The following NBEA variants were observed in gnomAD, a reference collection of about 807,000 sequenced individuals.
NBEA encodes the protein neurobeachin.
In NBEA, 44 loss-of-function variants were observed where a neutral mutation model predicts 343.4. The ratio of observed to expected loss-of-function variants is 0.13; its 90% CI spans 0.10 to 0.16. NBEA has a LOEUF of 0.16. Ranked by LOEUF, NBEA falls within the 10% of genes least tolerant of loss-of-function variation. The pLI is 1.00. For missense variants in NBEA, 2,555 were observed against 3,631.3 expected, an observed-to-expected ratio of 0.70 and a Z score of 7.62; for synonymous variants, 1,175 against 1,238.7, an observed-to-expected ratio of 0.95 and a Z score of 1.08.
chr13:35,422,152 T>TGTA (rs1480419366), intron 38 of NBEA, among the ~76,000 whole-genome samples: 10 of 151,590 alleles, frequency 6.6e-5, no homozygotes, highest in African/African-American at 2.4e-4. Flanking sequence ...TTTTTTTAAT[T>TGTA]TTATTATTAT....
At chr13:35,093,748 A>G (rs911130679) in intron 10 of NBEA, among the ~76,000 whole-genome samples, 1 of 152,014 alleles carries the variant, frequency 6.6e-6, no homozygotes, top group Admixed American at 6.6e-5. Context: ...CATATTTACT[A>G]TAGTGGTGGC....
chr13:35,428,273 C>T (rs1211698754), intron 38 of NBEA, among the ~76,000 whole-genome samples: 2 of 152,104 alleles, frequency 1.3e-5, no homozygotes, highest in Non-Finnish European at 2.9e-5. Context: ...GCCATCTTGG[C>T]TCCTCCCCCA....
In NBEA at chr13:34,942,848, C is replaced by G; in HGVS notation, c.28C>G (p.Pro10Ala). The change falls in exon 1 of 59, where the codon CCG becomes GCG. Residue 10 changes from proline (P) to alanine (A), a missense_variant. This residue lies in a region of NBEA where 122 missense variants were observed against 91.0 expected (regional missense o/e 1.34). Coordinates refer to ENST00000379939, the MANE Select transcript of NBEA (RefSeq NM_001385012.1). MASEKPGPGPGLEPQPVGLI... is the reference protein window; with the variant it reads MASEKPGPGAGLEPQPVGLI... ...GGCTAGCGAGAAGCCGGGCCCGGGC[C>G]CGGGGCTCGAGCCTCAGCCCGTGGG... The G allele has an allele frequency of 7.3e-7, 1 of 1,370,094 alleles. No individual in the cohort carries two copies. Among genetic ancestry groups the G allele is most frequent in the Middle Eastern group, 2.7e-4 (1 of 3,712 alleles). The allele number at this position is 1,370,094 out of a possible 1,614,324, so 84.9% of individuals were successfully genotyped here. A position where few individuals can be genotyped will look rare whatever the true frequency, so the allele number is the denominator to read the frequency against.
chr13:35,387,079 T>C (rs1391558966), intron 38 of NBEA, among the ~76,000 whole-genome samples: 5 of 152,168 alleles, frequency 3.3e-5, no homozygotes, highest in Admixed American at 6.5e-5. Flanking sequence ...CTCTATCTTA[T>C]AGAAAGTAGT....
intron 11 of NBEA, among the ~76,000 whole-genome samples, chr13:35,102,901 G>A (rs1025927243): frequency 2.0e-5 from 3 of 151,652 alleles, no homozygotes; most frequent in African/African-American, 7.3e-5. Context: ...AAAAGTGCCA[G>A]TACAGTGTTG....
chr13:35,377,847 G>A (rs928964736), intron 38 of NBEA, among the ~76,000 whole-genome samples: 1 of 152,038 alleles, frequency 6.6e-6, no homozygotes, highest in African/African-American at 2.4e-5. Flanking sequence ...AAAACAAATA[G>A]ACCATAAACA....
At chr13:35,598,859 T>A (rs1393973161) in intron 47 of NBEA, among the ~76,000 whole-genome samples, 1 of 152,218 alleles carries the variant, frequency 6.6e-6, no homozygotes, top group Non-Finnish European at 1.5e-5. Context: ...ATTTTGAGAA[T>A]CTTTTGCCAA....
chr13:35,321,495 G>A (rs2038138634), intron 36 of NBEA, among the ~76,000 whole-genome samples: 1 of 152,096 alleles, frequency 6.6e-6, no homozygotes, highest in Admixed American at 6.5e-5. Flanking sequence ...CCTGCCATAT[G>A]CCAGCTGGAG....
chr13:35,641,631 T>A (rs1429331163), intron 49 of NBEA, among the ~76,000 whole-genome samples: 11 of 152,122 alleles, frequency 7.2e-5, no homozygotes, highest in Middle Eastern at 3.2e-3. Flanking sequence ...TAATTGATGA[T>A]AAACATCAGA....
At chr13:35,613,636 G>A (rs2082617098) in intron 48 of NBEA, among the ~76,000 whole-genome samples, 2 of 144,980 alleles carry the variant, frequency 1.4e-5, no homozygotes, top group South Asian at 2.2e-4. Context: ...TTGTTTGTTT[G>A]TTTTGAGACA....
At chr13:35,075,846 C>G (rs1295462723) in intron 10 of NBEA, among the ~76,000 whole-genome samples, 2 of 151,944 alleles carry the variant, frequency 1.3e-5, no homozygotes, top group Non-Finnish European at 2.9e-5. Context: ...AATATTTCAG[C>G]GTCTAACTGC....
In NBEA at chr13:35,619,753, C is replaced by T. The variant is rs190804128; in HGVS notation, c.7450-8328C>T. 1.1e-4 allele frequency among the ~76,000 whole-genome samples: 17 copies of T among 152,234 alleles called. No individual in the cohort carries two copies. In the East Asian group the frequency reaches 2.9e-3, roughly 26 times the overall value. On this transcript the variant is annotated intron_variant, in intron 48 of 58. Coordinates refer to ENST00000379939, the MANE Select transcript of NBEA (RefSeq NM_001385012.1). ...GTCATCACTGTCAGGTGCAGCTTAC[C>T]GCACACCATGACACTTGGAAGTAAG...
At chr13:35,470,475 A>G (rs779120099) in intron 40 of NBEA, among the ~76,000 whole-genome samples, 2 of 152,176 alleles carry the variant, frequency 1.3e-5, no homozygotes, top group Non-Finnish European at 2.9e-5. Flanking sequence ...TTTGTCTCCA[A>G]ATGCCAGAAA....
chr13:35,053,195 G>C lies in NBEA; in HGVS notation c.972+2800G>C, dbSNP rs369894639. ...ATGGAGCAGATCGTTTCACTTTCCT[G>C]CTCAGAATTATTTAGTTATACCACA... On this transcript the variant is annotated intron_variant, in intron 6 of 58. Coordinates refer to ENST00000379939, the MANE Select transcript of NBEA (RefSeq NM_001385012.1). 9.9e-5 allele frequency among the ~76,000 whole-genome samples: 15 copies of C among 152,152 alleles called. No homozygotes were observed. The East Asian group carries it at 2.3e-3, about 24-fold the overall frequency.
intron 39 of NBEA, among the ~76,000 whole-genome samples, chr13:35,432,842 A>G (rs2045208972): frequency 6.6e-6 from 1 of 152,030 alleles, no homozygotes; most frequent in South Asian, 2.1e-4. Context: ...TGTAATATAT[A>G]TACATATGTA....
At chr13:35,312,521 C>T (rs901869677) in intron 36 of NBEA, among the ~76,000 whole-genome samples, 1 of 152,220 alleles carries the variant, frequency 6.6e-6, no homozygotes, top group South Asian at 2.1e-4. Flanking sequence ...AAGGTCATGC[C>T]ATGAAACTGT....
chr13:35,533,762 A>G (rs1014481186), intron 41 of NBEA, among the ~76,000 whole-genome samples: 1 of 152,180 alleles, frequency 6.6e-6, no homozygotes, highest in African/African-American at 2.4e-5. Context: ...TTATTTATTT[A>G]CTAAACATGC....
Position 35,472,402 on chromosome 13 carries a change from C to G in NBEA, c.6451C>G (p.Pro2151Ala). 1 of 1,613,202 alleles carries G rather than the reference C, an allele frequency of 6.2e-7. No individual in the cohort carries two copies. The highest frequency in any genetic ancestry group is 8.5e-7 in the Non-Finnish European group (1 of 1,179,710). ...QEKEIDNLAG[P>A]VVLSTPAQLI... ...CTCCCCTTGTCCTTGCCTTGCAGGC[C>G]CAGTGGTTCTCAGCACCCCTGCCCA... Residue 2151 changes from proline to alanine, a missense_variant and splice_region_variant, in exon 41 of 59, where the codon CCA becomes GCA. By Grantham distance (27) the Pro-to-Ala change is conservative. Transcript: ENST00000379939.
At chr13:35,560,478 G>C (rs1310177812) in intron 44 of NBEA, among the ~76,000 whole-genome samples, 1 of 152,158 alleles carries the variant, frequency 6.6e-6, no homozygotes, top group Non-Finnish European at 1.5e-5. Context: ...AGCTGGCACT[G>C]TTTTCAGTTA....
Sources: gnomAD v4.1 joint callset for allele counts (sites outside exome capture counted in the v4.1 genomes callset) on GRCh38, gnomAD v4.1.1 for gene constraint, gnomAD v4.1.1 regional missense constraint, MANE v1.5 for transcripts, NCBI Gene and HGNC (gene_info 2026-07-23, HGNC 2026-07-21) for gene names.